Variants in PACS2 observed in about 807,000 individuals in gnomAD.
PACS2 encodes the protein PACS1-like protein.
Under a neutral mutation model 113.0 loss-of-function variants are expected in PACS2, and 36 were observed. The ratio of observed to expected loss-of-function variants is 0.32; its 90% confidence interval spans 0.24 to 0.42. The LOEUF is 0.42. Among genes scored for constraint, PACS2 ranks in the 10% least tolerant of loss-of-function variants. The pLI, the probability that PACS2 is intolerant of heterozygous loss-of-function variation, is 1.00. For synonymous variants in PACS2, 589 were observed against 536.1 expected, an observed-to-expected ratio of 1.10 and a Z score of -1.36; for missense variants, 1,015 against 1,239.5, an observed-to-expected ratio of 0.82 and a Z score of 2.72.
Position 105,357,876 on chromosome 14 carries a change from CGGT to C in PACS2, c.423+2702_423+2704del, listed in dbSNP as rs2060516340. ...CCATGCATTTGAGAGTAGTGCTCGGCGGTGGGGAAGGGTCCTTGAGGGCACAGG... is the reference window on the plus strand; with the variant it reads ...CCATGCATTTGAGAGTAGTGCTCGGCGGGGAAGGGTCCTTGAGGGCACAGG... On this transcript the variant is annotated intron_variant, in intron 4 of 24. Coordinates refer to ENST00000447393, the MANE Select transcript of PACS2 (RefSeq NM_001100913.3). The surrounding 1 kb of genome is among the most constrained non-coding windows in gnomAD (Gnocchi z 5.1). Among the ~76,000 whole-genome samples, 1 of 151,888 alleles carries C rather than the reference CGGT, an allele frequency of 6.6e-6. No individual in the cohort carries two copies. Among genetic ancestry groups the C allele is most frequent in the African/African-American group, 2.4e-5 (1 of 41,318 alleles).
At chr14:105,303,640 A>C (rs923157923) in intron 1 of PACS2, among the ~76,000 whole-genome samples, 1 of 152,198 alleles carries the variant, frequency 6.6e-6, no homozygotes, top group East Asian at 1.9e-4. Context: ...CCCTGTAATT[A>C]CCACTTTAGC....
intron 15 of PACS2, 191 bp downstream of exon 15, chr14:105,383,104 G>A: frequency 3.2e-6 from 2 of 623,834 alleles, no homozygotes; most frequent in South Asian, 1.9e-5. Flanking sequence ...GCAGCCTGGT[G>A]GGTGTCCTGC....
intron 24 of PACS2, chr14:105,393,593 G>T (rs587759669): frequency 0.016 from 4,948 of 309,436 alleles, 250 homozygotes; most frequent in African/African-American, 0.1. Flanking sequence ...TTTTGTTTTG[G>T]TTTTTTTTTT....
intron 2 of PACS2, among the ~76,000 whole-genome samples, chr14:105,349,935 G>GTGGCTAATAGCAGGACCCCA (rs2060100663): frequency 2.1e-5 from 3 of 142,038 alleles, no homozygotes; most frequent in African/African-American, 8.0e-5. Flanking sequence ...GCAGGACCCC[G>GTGGCTAATAGCAGGACCCCA]AGAACTTCCA....
chr14:105,309,538 G>T (rs990305116), upstream of PACS2, among the ~76,000 whole-genome samples: 2 of 152,178 alleles, frequency 1.3e-5, no homozygotes, highest in Non-Finnish European at 2.9e-5. This position sits in a 1 kb window ranked among gnomAD's most constrained non-coding sequence, Gnocchi z 4.0. Context: ...GACATTTCCA[G>T]TGTCACCTGC....
chr14:105,368,380 C>T (rs1193071830), intron 6 of PACS2, 79 bp from the exon 7 acceptor site: 17 of 1,128,216 alleles, frequency 1.5e-5, no homozygotes, highest in Admixed American at 8.7e-5. Context: ...CCTCTCCCAT[C>T]GCCCACGCTG....
intron 19 of PACS2, chr14:105,388,475 G>A (rs1555414111): frequency 6.6e-6 from 1 of 152,588 alleles, no homozygotes; most frequent in Non-Finnish European, 1.5e-5. Flanking sequence ...TGGTGCTCCA[G>A]GCAGACGGCT....
At position 105,376,271 on chromosome 14, in the gene PACS2, C is replaced by G. The variant is rs1477223264; in HGVS notation, c.802-497C>G. Among the ~76,000 whole-genome samples the G allele has an allele frequency of 6.8e-6, 1 of 146,522 alleles. No individual in the cohort carries two copies. The highest frequency in any genetic ancestry group is 1.5e-5 in the Non-Finnish European group (1 of 66,054). ...CGCTGGGTGGATGACGCCCTCCTCC[C>G]CCCGCCACCGAGAGCTGCAGGCCAC... On this transcript the variant is annotated intron_variant, in intron 8 of 24. Coordinates refer to ENST00000447393, the MANE Select transcript of PACS2 (RefSeq NM_001100913.3). The surrounding 1 kb of genome is among the most constrained non-coding windows in gnomAD (Gnocchi z 4.7).
rs2080910790 is a variant in PACS2 at position 105,379,687 on chromosome 14, C to T, written c.960-52C>T. 4.8e-6 allele frequency: 7 copies of T among 1,459,338 alleles called. No individual in the cohort carries two copies. The Middle Eastern group carries it at 1.2e-3, about 253-fold the overall frequency. 90.4% of individuals were successfully genotyped at this position (1,459,338 alleles called of 1,614,324 possible). A position where few individuals can be genotyped will look rare whatever the true frequency, so the allele number is the denominator to read the frequency against. ...TGGTGGGAGAACTGCGCTTTCAGTGCAAGAAGGGTCCTGGAAATTAACGTG... is the reference window on the plus strand; with the variant it reads ...TGGTGGGAGAACTGCGCTTTCAGTGTAAGAAGGGTCCTGGAAATTAACGTG... On this transcript the variant is annotated intron_variant, in intron 9 of 24. Transcript: ENST00000447393.
At chr14:105,307,480 T>C (rs1381806685) in intron 1 of PACS2, among the ~76,000 whole-genome samples, 1 of 152,054 alleles carries the variant, frequency 6.6e-6, no homozygotes, top group Non-Finnish European at 1.5e-5. Flanking sequence ...TGGCCCTGGG[T>C]GCTTCCCCAC....
At chr14:105,353,332 C>T (rs2060304662) in intron 3 of PACS2, among the ~76,000 whole-genome samples, 1 of 142,162 alleles carries the variant, frequency 7.0e-6, no homozygotes, top group African/African-American at 2.7e-5. Flanking sequence ...TCACTGTCCC[C>T]TGGGGAGACG....
Position 105,348,939 on chromosome 14 carries a change from G to A in PACS2, c.207+359G>A, listed in dbSNP as rs1555403248. On this transcript the variant is annotated intron_variant, in intron 2 of 24. Transcript: ENST00000447393. This position sits in a 1 kb window ranked among gnomAD's most constrained non-coding sequence, Gnocchi z 6.4. ...CTGCCCACTTTTTGTGGGGTGGAGG[G>A]CGTCGGTGGGAGAGGGGAGCAGGGC... Among the ~76,000 whole-genome samples, 1 of 152,200 alleles carries A rather than the reference G, an allele frequency of 6.6e-6. No individual in the cohort carries two copies. The highest frequency in any genetic ancestry group is 1.5e-5 in the Non-Finnish European group (1 of 68,022).
chr14:105,391,552 C>T, intron 21 of PACS2, 79 bp from the exon 22 acceptor site: 1 of 1,311,666 alleles, frequency 7.6e-7, no homozygotes, highest in Admixed American at 2.0e-5. Flanking sequence ...GGCCTGGCCA[C>T]ATCCTGGTCC....
rs587713795 is a variant in PACS2 at position 105,395,004 on chromosome 14, A to G, written c.*332A>G. On this transcript the variant is annotated 3_prime_UTR_variant, in exon 25 of 25. Coordinates refer to ENST00000447393, the MANE Select transcript of PACS2 (RefSeq NM_001100913.3). ...TGCCTCTGTGTCCTGTCCTTCCTGG[A>G]AGTCAGGACTCTGCTTCCTCAGGGA... 3.8e-6 allele frequency: 1 copy of G among 265,130 alleles called. No homozygotes were observed. The highest frequency in any genetic ancestry group is 7.4e-6 in the Non-Finnish European group (1 of 135,336). 16.4% of individuals were successfully genotyped at this position (265,130 alleles called of 1,614,324 possible).
intron 8 of PACS2, among the ~76,000 whole-genome samples, chr14:105,373,972 T>C (rs1185380415): frequency 6.6e-6 from 1 of 151,762 alleles, no homozygotes; most frequent in East Asian, 1.9e-4. Context: ...GCTAACATAG[T>C]GAAATCCCGT....
At chr14:105,394,451 C>A in intron 24 of PACS2, 103 bp from the exon 25 acceptor site, 1 of 1,561,452 alleles carries the variant, frequency 6.4e-7, no homozygotes, top group South Asian at 1.2e-5. Context: ...CCTTCTCATC[C>A]TGTACGCCCG....
intron 5 of PACS2, among the ~76,000 whole-genome samples, chr14:105,367,729 A>G (rs587745538): frequency 1.3e-5 from 2 of 152,364 alleles, no homozygotes; most frequent in South Asian, 2.1e-4. Context: ...TGGGGTCACC[A>G]GGGCCTCCCC....
rs2081407554 is a variant in PACS2, at chr14:105,392,914, G to T, written c.2482+69G>T. On this transcript the variant is annotated intron_variant, in intron 23 of 24. Transcript: ENST00000447393. ...GCTCTGTGGGAGAGGGCGGCTCGCA[G>T]TCAACAGGGATGACAGCCCCCGGGC... is the stretch of plus-strand genomic sequence containing the variant. The T allele has an allele frequency of 2.3e-6, 3 of 1,283,194 alleles. No individual in the cohort carries two copies. In the East Asian group the frequency reaches 7.0e-5, roughly 30 times the overall value. 79.5% of individuals were successfully genotyped at this position (1,283,194 alleles called of 1,614,324 possible).
chr14:105,370,136 A>C (rs936771743), intron 8 of PACS2: 9 of 459,024 alleles, frequency 2.0e-5, no homozygotes, highest in Non-Finnish European at 3.5e-5. Flanking sequence ...GGAAGTCGGA[A>C]AGTCATTTTC....
Sources: allele counts gnomAD v4.1 joint callset (sites outside exome capture counted in the v4.1 genomes callset), GRCh38; gene constraint gnomAD v4.1.1; non-coding constraint Gnocchi (gnomAD v3.1); transcripts MANE v1.5; gene names NCBI Gene and HGNC (gene_info 2026-07-23, HGNC 2026-07-21).